The following RANBP2 variants were observed in gnomAD, a reference collection of about 807,000 sequenced individuals.
The protein encoded by RANBP2 is E3 SUMO-protein ligase RanBP2.
In RANBP2, 57 loss-of-function variants were observed where a neutral mutation model predicts 303.6. The observed-to-expected ratio is 0.19, with a 90% CI of 0.15 to 0.23. The LOEUF is 0.23. RANBP2 is among the 10% of genes least tolerant of loss of function. The pLI is 1.00. For missense variants in RANBP2, 3,138 were observed against 3,780.8 expected (o/e 0.83, Z 4.46); for synonymous variants, 1,167 against 1,301.5 (o/e 0.90, Z 2.23).
chr2:108,862,677 T>C, the RANBP2 span, among the ~76,000 whole-genome samples: 1 of 152,226 alleles, frequency 6.6e-6, no homozygotes, highest in South Asian at 2.1e-4. Flanking sequence ...AGATATATAA[T>C]TTTCATTTAA....
At chr2:109,027,026 T>G in the RANBP2 span, among the ~76,000 whole-genome samples, 1 of 152,300 alleles carries the variant, frequency 6.6e-6, no homozygotes, top group African/African-American at 2.4e-5. Context: ...GGCAGATCAC[T>G]TGAGGTCAGG....
chr2:108,759,127 G>A (rs1318356516), intron 18 of RANBP2, among the ~76,000 whole-genome samples: 1 of 151,460 alleles, frequency 6.6e-6, no homozygotes, highest in Non-Finnish European at 1.5e-5. Context: ...GTGGGCGTGG[G>A]TGTGTATCAG....
At chr2:109,312,575 TTCTC>T in the RANBP2 span, among the ~76,000 whole-genome samples, 13 of 148,482 alleles carry the variant, frequency 8.8e-5, no homozygotes, top group Admixed American at 2.1e-4. Context: ...CCTGCTTTCT[TTCTC>T]TGTGAATTTG....
At chr2:109,509,830 G>C in the RANBP2 span, among the ~76,000 whole-genome samples, 735 of 152,144 alleles carry the variant, frequency 4.8e-3, 14 homozygotes, top group South Asian at 0.058. Context: ...ATGAATTTTC[G>C]GGGAACATAA....
the RANBP2 span, among the ~76,000 whole-genome samples, chr2:109,429,025 A>G: frequency 2.0e-5 from 3 of 152,300 alleles, no homozygotes; most frequent in Admixed American, 2.0e-4. Flanking sequence ...GACAGGACTC[A>G]ACTCACAGAC....
At chr2:108,903,142 A>AGT in the RANBP2 span, among the ~76,000 whole-genome samples, 4 of 152,238 alleles carry the variant, frequency 2.6e-5, no homozygotes, top group Non-Finnish European at 4.4e-5. Flanking sequence ...TGTCGTTTAC[A>AGT]GTGGCTCAAA....
the RANBP2 span, chr2:108,910,602 C>T: frequency 2.8e-6 from 4 of 1,437,252 alleles, no homozygotes; most frequent in Admixed American, 1.8e-5. Context: ...TCAGCCCAAC[C>T]CTGCTCTTCC....
the RANBP2 span, among the ~76,000 whole-genome samples, chr2:109,437,595 G>A: frequency 2.0e-5 from 3 of 152,238 alleles, no homozygotes; most frequent in South Asian, 6.2e-4. Flanking sequence ...GGGCTTCCCA[G>A]CTAGGCGGCA....
chr2:108,766,987 C>A lies in RANBP2; in HGVS notation c.6448C>A (p.Pro2150Thr). ...EECQRLLLDIPLQTPHKLVDT... is the reference protein window; with the variant it reads ...EECQRLLLDITLQTPHKLVDT... ...ATGCCAGCGGCTTCTGTTAGACATACCACTTCAAACTCCCCATAAACTTGT... is the reference window on the plus strand; with the variant it reads ...ATGCCAGCGGCTTCTGTTAGACATAACACTTCAAACTCCCCATAAACTTGT... Residue 2150 changes from proline to threonine, a missense_variant, in exon 20 of 29, where the codon CCA (proline) becomes ACA (threonine). Coordinates refer to ENST00000283195, the MANE Select transcript of RANBP2 (RefSeq NM_006267.5). The A allele has an allele frequency of 6.2e-7, 1 of 1,609,328 alleles. No homozygotes were observed. Among genetic ancestry groups the A allele is most frequent in the South Asian group, 1.1e-5 (1 of 90,986 alleles).
At chr2:109,216,914 C>T in the RANBP2 span, among the ~76,000 whole-genome samples, 8 of 152,288 alleles carry the variant, frequency 5.3e-5, no homozygotes, top group African/African-American at 1.7e-4. Flanking sequence ...CTTCCCAAAC[C>T]GAAATTCTGT....
chr2:108,804,045 T>G, the RANBP2 span, among the ~76,000 whole-genome samples: 1 of 152,208 alleles, frequency 6.6e-6, no homozygotes, highest in South Asian at 2.1e-4. Flanking sequence ...AATGCTTAGA[T>G]TCTCTGATCT....
At chr2:108,953,718 T>C in the RANBP2 span, among the ~76,000 whole-genome samples, 1 of 152,012 alleles carries the variant, frequency 6.6e-6, no homozygotes, top group African/African-American at 2.4e-5. Context: ...AACAAGGACC[T>C]AAGGTAGGCT....
chr2:109,228,132 A>G, the RANBP2 span, among the ~76,000 whole-genome samples: 1 of 152,170 alleles, frequency 6.6e-6, no homozygotes, highest in Non-Finnish European at 1.5e-5. Flanking sequence ...CTGTGTTTTC[A>G]TGCTGCAAAT....
At chr2:109,214,132 C>T in the RANBP2 span, among the ~76,000 whole-genome samples, 4 of 152,270 alleles carry the variant, frequency 2.6e-5, no homozygotes, top group South Asian at 4.1e-4. Flanking sequence ...CGGGTGCCCC[C>T]ATGCTGCGTC....
At chr2:109,580,529 T>C in the RANBP2 span, among the ~76,000 whole-genome samples, 3 of 152,082 alleles carry the variant, frequency 2.0e-5, no homozygotes, top group South Asian at 2.1e-4. Context: ...AGCTTTCTCT[T>C]TGGGATTAGG....
chr2:109,232,644 G>T, the RANBP2 span, among the ~76,000 whole-genome samples: 1 of 152,162 alleles, frequency 6.6e-6, no homozygotes, highest in Admixed American at 6.5e-5. Context: ...CTGGAAAGGG[G>T]TGATTGATTA....
chr2:108,912,863 GC>G, the RANBP2 span: 1 of 995,818 alleles, frequency 1.0e-6, no homozygotes. Context: ...TCATGAATGG[GC>G]CTGAGGCAGT....
At position 108,765,763 on chromosome 2, in the gene RANBP2, A is replaced by G. The variant is rs776783992; in HGVS notation, c.5224A>G (p.Thr1742Ala). 1.8e-5 allele frequency: 29 copies of G among 1,614,144 alleles called. No homozygotes were observed. The highest frequency in any genetic ancestry group is 6.7e-5 in the Admixed American group (4 of 60,018). The change falls in exon 20 of 29, where the codon ACC becomes GCC. Residue 1742 changes from threonine (T) to alanine (A), a missense_variant. Transcript: ENST00000283195. The part of the protein sequence containing the change: ...VCLVRNEASA[T>A]KCIACQCPSK... ...CTTAGTAAGAAATGAAGCCAGTGCT[A>G]CCAAATGTATTGCTTGTCAGTGTCC...
the RANBP2 span, among the ~76,000 whole-genome samples, chr2:109,049,963 T>C: frequency 6.6e-6 from 1 of 152,304 alleles, no homozygotes; most frequent in African/African-American, 2.4e-5. Context: ...GCTGGCTGTG[T>C]CCACACCACC....
Sources: gnomAD v4.1 joint callset for allele counts (sites outside exome capture counted in the v4.1 genomes callset) on GRCh38, gnomAD v4.1.1 for gene constraint, MANE v1.5 for transcripts, NCBI Gene and HGNC (gene_info 2026-07-23, HGNC 2026-07-21) for gene names.